Variants in ZSCAN5A observed in about 807,000 individuals in gnomAD.
The protein encoded by ZSCAN5A is zinc finger and SCAN domain-containing protein 5A.
Under a neutral mutation model 23.7 loss-of-function variants are expected in ZSCAN5A, and 12 were observed. That is an observed-to-expected ratio of 0.51 (90% CI 0.32 to 0.82). The LOEUF (loss-of-function observed/expected upper bound fraction) is 0.82, where lower values mean the gene tolerates loss of function less well. Among genes scored for constraint, ZSCAN5A ranks in the 40% least tolerant of loss-of-function variants. ZSCAN5A has a pLI of 0.03. For missense variants in ZSCAN5A, 597 were observed against 617.9 expected, an observed-to-expected ratio of 0.97 and a Z score of 0.36; for synonymous variants, 257 against 239.9, an observed-to-expected ratio of 1.07 and a Z score of -0.66.
chr19:56,247,155 CTG>C (rs779789939), intron 2 of ZSCAN5A: 13 of 641,188 alleles, frequency 2.0e-5, no homozygotes, highest in Non-Finnish European at 3.4e-5. Flanking sequence ...AATGTAATTT[CTG>C]TGAGAGGTGC....
chr19:56,248,850 C>T (rs111425573), intron 2 of ZSCAN5A, among the ~76,000 whole-genome samples: 8 of 152,050 alleles, frequency 5.3e-5, no homozygotes, highest in South Asian at 4.2e-4. Context: ...CCCAGCAGAG[C>T]GGTGCACCTG....
At chr19:56,241,100 G>C (rs987439618) in intron 2 of ZSCAN5A, among the ~76,000 whole-genome samples, 2 of 152,218 alleles carry the variant, frequency 1.3e-5, no homozygotes, top group African/African-American at 2.4e-5. Flanking sequence ...CTAGGCCAAT[G>C]AGAATGTGCA....
chr19:56,243,517 T>A (rs143616719), intron 2 of ZSCAN5A, among the ~76,000 whole-genome samples: 138 of 152,344 alleles, frequency 9.1e-4, no homozygotes, highest in African/African-American at 3.1e-3. Context: ...AGGTTGTAAC[T>A]ATTTTTCTCT....
At chr19:56,228,555 T>G (rs2034185934) in intron 2 of ZSCAN5A, 3 of 745,454 alleles carry the variant, frequency 4.0e-6, no homozygotes, top group Non-Finnish European at 4.9e-6. Context: ...AAATATAGAT[T>G]TGCGAGTTTT....
At chr19:56,238,021 G>C (rs970058857) in intron 2 of ZSCAN5A, among the ~76,000 whole-genome samples, 3 of 1,196 alleles carry the variant, frequency 2.5e-3, no homozygotes, top group African/African-American at 4.7e-3. Context: ...ACACGTCAAA[G>C]AAACAAAAAG....
chr19:56,350,856 TTTTA>T (rs571701858), intron 2 of ZSCAN5A, among the ~76,000 whole-genome samples: 257 of 152,176 alleles, frequency 1.7e-3, no homozygotes, highest in African/African-American at 5.8e-3. Context: ...TTAAATAATG[TTTTA>T]TTTAATAAAA....
chr19:56,222,741 C>G lies in ZSCAN5A; in HGVS notation c.589G>C (p.Gly197Arg), dbSNP rs752618641. 3.1e-6 allele frequency: 5 copies of G among 1,614,074 alleles called. No individual in the cohort carries two copies. The highest frequency in any genetic ancestry group is 4.2e-6 in the Non-Finnish European group (5 of 1,180,020). The change falls in exon 5 of 6, where the codon GGA (glycine) becomes CGA (arginine). Residue 197 changes from glycine (G) to arginine (R), a missense_variant and splice_region_variant. Physicochemically the swap from Gly to Arg is moderately radical, Grantham distance 125. Coordinates refer to ENST00000683990, the MANE Select transcript of ZSCAN5A (RefSeq NM_001322064.3). ...CTCTTGTGTAGCAGAAAGTCCTCTC[C>G]CTGAAGAGGAAAAACCAAGAGTAAT... Reference protein sequence around the residue: ...PRVPALSRRQGEDFLLHKSID... With the variant: ...PRVPALSRRQREDFLLHKSID...
intron 2 of ZSCAN5A, among the ~76,000 whole-genome samples, chr19:56,328,625 C>T (rs558620623): frequency 1.3e-5 from 2 of 150,248 alleles, no homozygotes; most frequent in South Asian, 4.3e-4. Context: ...CAGAGCATGA[C>T]TCTGACTCAA....
intron 2 of ZSCAN5A, chr19:56,228,215 C>A: frequency 1.0e-6 from 1 of 985,354 alleles, no homozygotes; most frequent in Non-Finnish European, 1.2e-6. Context: ...GACATGCCAG[C>A]TCCTAAACCC....
In ZSCAN5A at chr19:56,225,027, G is replaced by A; in HGVS notation, c.20C>T (p.Ser7Phe). ...GCAGGATTCTCCTAGACTCCATGAG[G>A]ATGTGCAATTTGCAGCCATATCTAG... MAANCT[S>F]SWSLGESCNR... The change falls in exon 3 of 6, where the codon TCC (serine) becomes TTC (phenylalanine). Residue 7 changes from serine to phenylalanine, a missense_variant. This residue lies in a region of ZSCAN5A where 72 missense variants were observed against 76.8 expected (regional missense o/e 0.94). Transcript: ENST00000683990. The A allele has an allele frequency of 1.2e-6, 2 of 1,601,552 alleles. No individual in the cohort carries two copies. Among genetic ancestry groups the A allele is most frequent in the Non-Finnish European group, 1.7e-6 (2 of 1,172,184 alleles).
intron 2 of ZSCAN5A, among the ~76,000 whole-genome samples, chr19:56,276,492 G>A (rs991431605): frequency 6.9e-6 from 1 of 145,268 alleles, no homozygotes; most frequent in Non-Finnish European, 1.5e-5. Context: ...AAATTATTAA[G>A]GATCTAAAGA....
At chr19:56,320,077 C>A in intron 2 of ZSCAN5A, 1 of 776,296 alleles carries the variant, frequency 1.3e-6, no homozygotes, top group Admixed American at 1.7e-5. Flanking sequence ...TCTTCTTATA[C>A]CTGTCACTGT....
chr19:56,284,214 C>G (rs2038933084), intron 2 of ZSCAN5A: 1 of 982,952 alleles, frequency 1.0e-6, no homozygotes, highest in African/African-American at 1.8e-5. Flanking sequence ...TAGGTAAGTA[C>G]CTTGCCACTT....
rs150571707 is a variant in ZSCAN5A, at chr19:56,365,333, A to C, written c.-521-1935T>G. Among the ~76,000 whole-genome samples the C allele has an allele frequency of 1.1e-3, 160 of 152,306 alleles. 1 individual carries two copies. The highest frequency in any genetic ancestry group is 3.7e-3 in the African/African-American group (155 of 41,560). On this transcript the variant is annotated intron_variant, in intron 1 of 6. Transcript: ENST00000587340. ...CTGGTGTAATGCTTATTCAATAATA[A>C]AACTGTTTTCTTTCCCTTCTACCTT...
Position 56,326,545 on chromosome 19 carries a change from T to C in ZSCAN5A, c.-357-10277A>G, listed in dbSNP as rs146843527. On this transcript the variant is annotated intron_variant, in intron 2 of 6. Transcript: ENST00000587340. Reference sequence around the variant, plus strand: ...GTTACTACTCTCTGAGTTTGACTTTTTAATATTCCACATATAAATGGGAAT... The same window carrying C: ...GTTACTACTCTCTGAGTTTGACTTTCTAATATTCCACATATAAATGGGAAT... Among the ~76,000 whole-genome samples, 522 of 152,250 alleles carry C rather than the reference T, an allele frequency of 3.4e-3. 6 individuals carry two copies. Among genetic ancestry groups the C allele is most frequent in the African/African-American group, 0.012 (507 of 41,540 alleles).
At chr19:56,361,668 AAAC>A (rs2041734060) in intron 2 of ZSCAN5A, among the ~76,000 whole-genome samples, 1 of 152,188 alleles carries the variant, frequency 6.6e-6, no homozygotes, top group Non-Finnish European at 1.5e-5. Context: ...GAACACATGG[AAAC>A]AGGGAGGGGA....
At chr19:56,225,537 A>G (rs940933618) in intron 2 of ZSCAN5A, 1 of 153,412 alleles carries the variant, frequency 6.5e-6, no homozygotes, top group Non-Finnish European at 1.5e-5. Flanking sequence ...CTTAGTCATA[A>G]TTATGCAAAA....
intron 2 of ZSCAN5A, among the ~76,000 whole-genome samples, chr19:56,242,238 C>T (rs914676435): frequency 6.6e-6 from 1 of 152,110 alleles, no homozygotes; most frequent in Non-Finnish European, 1.5e-5. Flanking sequence ...CTCTAGCAGG[C>T]GTGAGGGGTG....
intron 2 of ZSCAN5A, chr19:56,301,809 G>A: frequency 1.4e-6 from 1 of 730,680 alleles, no homozygotes; most frequent in Non-Finnish European, 1.9e-6. Flanking sequence ...CCAAGAAGGG[G>A]GAAGCTGGCA....
Sources: gnomAD v4.1 joint callset for allele counts (sites outside exome capture counted in the v4.1 genomes callset) on GRCh38, gnomAD v4.1.1 for gene constraint, gnomAD v4.1.1 regional missense constraint, MANE v1.5 for transcripts, NCBI Gene and HGNC (gene_info 2026-07-23, HGNC 2026-07-21) for gene names.